Variants in ANGPT1 observed in about 807,000 individuals in gnomAD.
ANGPT1 encodes angiopoietin-1.
ANGPT1 carries 17 observed loss-of-function variants against 62.2 expected under a neutral mutation model. The observed-to-expected ratio is 0.27, with a 90% CI of 0.19 to 0.41. The LOEUF is 0.41. ANGPT1 is among the 10% of genes least tolerant of loss of function. The pLI is 1.00. For missense variants in ANGPT1, 478 were observed against 594.9 expected (o/e 0.80, Z 2.04); for synonymous variants, 199 against 198.9 (o/e 1.00, Z 0.00).
rs1811538838 is a variant in ANGPT1, at chr8:107,443,776, G to C, written c.297+53486C>G. On this transcript the variant is annotated intron_variant, in intron 1 of 8. Coordinates refer to ENST00000517746, the MANE Select transcript of ANGPT1 (RefSeq NM_001146.5). ...AGAGGTTGTGGTGAGCTGAGATCAT[G>C]CCATTGCACTCCAGCCTGGGCAACA... Among the ~76,000 whole-genome samples the C allele has an allele frequency of 3.3e-5, 5 of 150,320 alleles. No homozygotes were observed. In the East Asian group the frequency reaches 9.8e-4, roughly 30 times the overall value.
At chr8:107,264,836 C>G (rs56046638) in intron 7 of ANGPT1, among the ~76,000 whole-genome samples, 2,362 of 152,198 alleles carry the variant, frequency 0.016, 56 homozygotes, top group African/African-American at 0.054. Context: ...AATCTGTGAT[C>G]CAGACATTAA....
intron 3 of ANGPT1, among the ~76,000 whole-genome samples, chr8:107,325,814 G>A (rs186040655): frequency 1.9e-4 from 29 of 151,884 alleles, no homozygotes; most frequent in African/African-American, 6.8e-4. Context: ...TTGTTCAAGC[G>A]GACATATGCG....
intron 1 of ANGPT1, among the ~76,000 whole-genome samples, chr8:107,447,023 T>C (rs1811641644): frequency 6.6e-6 from 1 of 152,234 alleles, no homozygotes; most frequent in Non-Finnish European, 1.5e-5. Context: ...CTCCTTTTTC[T>C]GTTCCTCTCT....
At chr8:107,487,450 C>A (rs1366988592) in intron 1 of ANGPT1, among the ~76,000 whole-genome samples, 1 of 151,504 alleles carries the variant, frequency 6.6e-6, no homozygotes, top group Non-Finnish European at 1.5e-5. Flanking sequence ...ACTTTCATTT[C>A]TAAAACAATA....
intron 1 of ANGPT1, among the ~76,000 whole-genome samples, chr8:107,418,366 T>G (rs572717366): frequency 1.4e-4 from 22 of 152,076 alleles, no homozygotes; most frequent in Non-Finnish European, 3.1e-4. Context: ...CAAAATCTGT[T>G]GAAAAAAGTT....
chr8:107,295,593 C>G (rs1203892032), intron 5 of ANGPT1: 2 of 151,882 alleles, frequency 1.3e-5, no homozygotes, highest in Admixed American at 1.3e-4. Flanking sequence ...CTCTAATAGC[C>G]TGAAGAATCA....
chr8:107,378,186 T>TA (rs1364216062), intron 1 of ANGPT1, among the ~76,000 whole-genome samples: 1 of 152,222 alleles, frequency 6.6e-6, no homozygotes, highest in Admixed American at 6.5e-5. Context: ...TTTTTTGGTT[T>TA]AAAAATGGTG....
intron 1 of ANGPT1, among the ~76,000 whole-genome samples, chr8:107,483,851 AATTTGTCTAAGTAGCTCATTT>A (rs1325611095): frequency 6.6e-6 from 1 of 152,212 alleles, no homozygotes; most frequent in Non-Finnish European, 1.5e-5. Flanking sequence ...CAACTAAGGC[AATTTGTCTAAGTAGCTCATTT>A]ATTTAAAAAG....
At chr8:107,462,493 GT>G (rs1161451820) in intron 1 of ANGPT1, among the ~76,000 whole-genome samples, 2 of 151,816 alleles carry the variant, frequency 1.3e-5, no homozygotes, top group African/African-American at 4.8e-5. Flanking sequence ...AAATCCAGGG[GT>G]TGAATGCATA....
rs191863052 is a variant in ANGPT1 at position 107,367,551 on chromosome 8, G to A, written c.298-20454C>T. ...AAGATTTATCTAAAGCATGCTCTCT[G>A]TCTCTCTCTGTCTCTCTTTGATCAC... On this transcript the variant is annotated intron_variant, in intron 1 of 8. Coordinates refer to ENST00000517746, the MANE Select transcript of ANGPT1 (RefSeq NM_001146.5). Among the ~76,000 whole-genome samples, 5 of 152,090 alleles carry A rather than the reference G, an allele frequency of 3.3e-5. No homozygotes were observed. The East Asian group carries it at 9.7e-4, about 29-fold the overall frequency.
At chr8:107,441,090 G>C (rs377420700) in intron 1 of ANGPT1, among the ~76,000 whole-genome samples, 18 of 152,148 alleles carry the variant, frequency 1.2e-4, no homozygotes, top group African/African-American at 4.3e-4. Flanking sequence ...ACTGACAGTA[G>C]CCAGAATAAA....
chr8:107,454,265 G>C (rs908501620), intron 1 of ANGPT1, among the ~76,000 whole-genome samples: 29 of 152,054 alleles, frequency 1.9e-4, no homozygotes, highest in African/African-American at 6.5e-4. Context: ...AAATGCAATA[G>C]TTAAGAGGGA....
intron 8 of ANGPT1, among the ~76,000 whole-genome samples, chr8:107,252,593 C>T (rs1383919754): frequency 6.6e-6 from 1 of 152,102 alleles, no homozygotes; most frequent in South Asian, 2.1e-4. Context: ...AATTAACGTA[C>T]CCTCTCTGTA....
At chr8:107,276,630 A>T (rs1243617519) in intron 7 of ANGPT1, among the ~76,000 whole-genome samples, 11 of 1,356 alleles carry the variant, frequency 8.1e-3, no homozygotes, top group South Asian at 0.016. Context: ...TAATGATTTA[A>T]AAAAAAAAAA....
At chr8:107,332,367 A>G (rs1815442771) in intron 3 of ANGPT1, among the ~76,000 whole-genome samples, 1 of 152,168 alleles carries the variant, frequency 6.6e-6, no homozygotes, top group African/African-American at 2.4e-5. Context: ...GTAGCATCCA[A>G]CAAAAGAAAA....
chr8:107,441,192 C>T (rs1199924786), intron 1 of ANGPT1, among the ~76,000 whole-genome samples: 2 of 152,088 alleles, frequency 1.3e-5, no homozygotes, highest in Non-Finnish European at 2.9e-5. Context: ...GTAAGTCAAC[C>T]GACAGAAAAT....
Position 107,346,914 on chromosome 8 carries a change from G to A in ANGPT1, c.453+28C>T, listed in dbSNP as rs1815816187. The A allele has an allele frequency of 5.1e-6, 8 of 1,579,320 alleles. No individual in the cohort carries two copies. In the East Asian group the frequency reaches 1.6e-4, roughly 31 times the overall value. On this transcript the variant is annotated intron_variant, in intron 2 of 8. Coordinates refer to ENST00000517746, the MANE Select transcript of ANGPT1 (RefSeq NM_001146.5). Reference sequence around the variant, plus strand: ...GAAAAAAAAAATTTTTCCTTGTTGAGTCTGTGGACTCTGGCCCTGGGGTGT... The same window carrying A: ...GAAAAAAAAAATTTTTCCTTGTTGAATCTGTGGACTCTGGCCCTGGGGTGT...
intron 4 of ANGPT1, among the ~76,000 whole-genome samples, chr8:107,306,689 A>G (rs1479581412): frequency 6.6e-6 from 1 of 152,028 alleles, no homozygotes; most frequent in Non-Finnish European, 1.5e-5. Context: ...CTTGAGCTTC[A>G]GTTAGATAGA....
chr8:107,432,369 T>G (rs1033282281), intron 1 of ANGPT1, among the ~76,000 whole-genome samples: 1 of 152,200 alleles, frequency 6.6e-6, no homozygotes, highest in Non-Finnish European at 1.5e-5. Flanking sequence ...TATCTGCTTT[T>G]AATTCCTCAG....
Sources: allele counts gnomAD v4.1 joint callset (sites outside exome capture counted in the v4.1 genomes callset), GRCh38; gene constraint gnomAD v4.1.1; transcripts MANE v1.5; gene names NCBI Gene and HGNC (gene_info 2026-07-23, HGNC 2026-07-21).